Variants in STOM observed in about 807,000 individuals in gnomAD.
STOM encodes erythrocyte band 7 integral membrane protein.
Under a neutral mutation model 30.6 loss-of-function variants are expected in STOM, and 25 were observed. That is an observed-to-expected ratio of 0.82 (90% CI 0.60 to 1.14). STOM has a LOEUF of 1.14. Ranked by LOEUF, STOM falls within the 50% of genes most tolerant of loss-of-function variation. STOM has a pLI of 0.00. For synonymous variants in STOM, 118 were observed against 130.8 expected (o/e 0.90, Z 0.67); for missense variants, 292 against 365.2 (o/e 0.80, Z 1.63).
At chr9:121,348,866 G>C (rs2064312938) in intron 5 of STOM, among the ~76,000 whole-genome samples, 1 of 151,920 alleles carries the variant, frequency 6.6e-6, no homozygotes, top group Non-Finnish European at 1.5e-5. Context: ...TAAACAAAAA[G>C]GTTATTACTG....
chr9:121,362,238 T>C (rs1485147138), intron 1 of STOM, among the ~76,000 whole-genome samples: 1 of 152,214 alleles, frequency 6.6e-6, no homozygotes, highest in Non-Finnish European at 1.5e-5. Context: ...TTAGAAATGA[T>C]AGCTCAACAA....
chr9:121,364,744 T>A (rs1248379149), intron 1 of STOM, among the ~76,000 whole-genome samples: 6 of 152,152 alleles, frequency 3.9e-5, no homozygotes, highest in Non-Finnish European at 7.4e-5. Context: ...AAAAAATAGG[T>A]GAGAGCAACA....
At position 121,370,091 on chromosome 9, in the gene STOM, G is replaced by C. The variant is rs188538384; in HGVS notation, c.61+36C>G. 4.7e-4 allele frequency: 707 copies of C among 1,510,538 alleles called. 3 individuals carry two copies. The African/African-American group carries it at 8.8e-3, about 19-fold the overall frequency. 93.6% of individuals were successfully genotyped at this position (1,510,538 alleles called of 1,614,324 possible). A position where few individuals can be genotyped will look rare whatever the true frequency, so the allele number is the denominator to read the frequency against. ...GAGCGCACGCTGCGGGCGGGGGCTC[G>C]GTCCACGGGGGAGGGTCAGGGGACG... On this transcript the variant is annotated intron_variant, in intron 1 of 6. Coordinates refer to ENST00000286713, the MANE Select transcript of STOM (RefSeq NM_004099.6).
At chr9:121,369,378 T>C (rs2064538745) in intron 1 of STOM, among the ~76,000 whole-genome samples, 1 of 150,826 alleles carries the variant, frequency 6.6e-6, no homozygotes, top group South Asian at 2.1e-4. Flanking sequence ...GTCCACCATC[T>C]CTCTTTATTG....
At chr9:121,352,411 T>A (rs1165090227) in intron 4 of STOM, among the ~76,000 whole-genome samples, 1 of 152,224 alleles carries the variant, frequency 6.6e-6, no homozygotes, top group Non-Finnish European at 1.5e-5. Context: ...ATTACTTCTA[T>A]TATCCAATAC....
Position 121,354,574 on chromosome 9 carries a change from TA to T in STOM, c.238+26del, listed in dbSNP as rs376476009. 8.3e-4 allele frequency: 1,282 copies of T among 1,543,984 alleles called. 15 individuals carry two copies. The African/African-American group carries it at 0.016, about 19-fold the overall frequency. On this transcript the variant is annotated intron_variant, in intron 3 of 6. Transcript: ENST00000286713. Reference sequence around the variant, plus strand: ...AATAAAAAGAACTTTAGTTTTCAGATAAACAATCTAGAATCCCAGTACTGAC... The same window carrying T: ...AATAAAAAGAACTTTAGTTTTCAGATAACAATCTAGAATCCCAGTACTGAC...
chr9:121,345,785 T>C (rs1412300634), intron 6 of STOM, among the ~76,000 whole-genome samples: 1 of 152,282 alleles, frequency 6.6e-6, no homozygotes, highest in South Asian at 2.1e-4. Flanking sequence ...AAGAATGCTA[T>C]GGAAGAGGCT....
Position 121,340,267 on chromosome 9 carries a change from T to G in STOM, c.*935A>C. 1.0e-6 allele frequency: 1 copy of G among 985,400 alleles called. No homozygotes were observed. The highest frequency in any genetic ancestry group is 1.2e-6 in the Non-Finnish European group (1 of 829,912). 61.0% of individuals were successfully genotyped at this position (985,400 alleles called of 1,614,324 possible). The stretch of plus-strand genomic sequence containing the variant: ...ATGGATGTATTTTTAAAATGACCAC[T>G]CTAGTAGTGAATTTAAAAGTCTTTT... On this transcript the variant is annotated 3_prime_UTR_variant, in exon 7 of 7. Coordinates refer to ENST00000286713, the MANE Select transcript of STOM (RefSeq NM_004099.6).
At chr9:121,359,959 A>T (rs2064434353) in intron 1 of STOM, among the ~76,000 whole-genome samples, 1 of 152,362 alleles carries the variant, frequency 6.6e-6, no homozygotes, top group East Asian at 1.9e-4. Context: ...TGTGACAGAC[A>T]CAGGTCTAGG....
In STOM at chr9:121,341,066, A is replaced by G; in HGVS notation, c.*136T>C. The G allele has an allele frequency of 4.1e-6, 6 of 1,476,168 alleles. No homozygotes were observed. Among genetic ancestry groups the G allele is most frequent in the African/African-American group, 1.4e-5 (1 of 71,046 alleles). 91.4% of individuals were successfully genotyped at this position (1,476,168 alleles called of 1,614,324 possible). On this transcript the variant is annotated 3_prime_UTR_variant, in exon 7 of 7. Coordinates refer to ENST00000286713, the MANE Select transcript of STOM (RefSeq NM_004099.6). Reference sequence around the variant, plus strand: ...TTACAAGCTAACAATTCTTTCACCTATTTTTATAACTGCTATACATTCTGG... The same window carrying G: ...TTACAAGCTAACAATTCTTTCACCTGTTTTTATAACTGCTATACATTCTGG...
chr9:121,358,154 A>T (rs1156242447), intron 1 of STOM, among the ~76,000 whole-genome samples: 1 of 148,702 alleles, frequency 6.7e-6, no homozygotes, highest in African/African-American at 2.5e-5. Flanking sequence ...AAAAAAAAAA[A>T]TAATAATAAT....
rs1363442380 is a variant in STOM, at chr9:121,340,728, C to T, written c.*474G>A. On this transcript the variant is annotated 3_prime_UTR_variant, in exon 7 of 7. Transcript: ENST00000286713. ...TCATGCTATTGCACTCCAGCCTGGGCAACAAGAGTGAAACTCCATCTCAGA... is the reference window on the plus strand; with the variant it reads ...TCATGCTATTGCACTCCAGCCTGGGTAACAAGAGTGAAACTCCATCTCAGA... 1 of 985,864 alleles carries T rather than the reference C, an allele frequency of 1.0e-6. No individual in the cohort carries two copies. The highest frequency in any genetic ancestry group is 1.8e-5 in the African/African-American group (1 of 55,356). The allele number at this position is 985,864 out of a possible 1,614,324, so 61.1% of individuals were successfully genotyped here.
In STOM at chr9:121,354,511, C is replaced by A. The variant is rs1013277772; in HGVS notation, c.238+90G>T. On this transcript the variant is annotated intron_variant, in intron 3 of 6. Coordinates refer to ENST00000286713, the MANE Select transcript of STOM (RefSeq NM_004099.6). Reference sequence around the variant, plus strand: ...CTCCAGCCTGGGCGACGGAATGAAACCCTGTCTTTAAAAAAACAACTACCT... The same window carrying A: ...CTCCAGCCTGGGCGACGGAATGAAAACCTGTCTTTAAAAAAACAACTACCT... 1.0e-5 allele frequency: 11 copies of A among 1,055,908 alleles called. 1 individual carries two copies. The Admixed American group carries it at 1.6e-4, about 16-fold the overall frequency. The allele number at this position is 1,055,908 out of a possible 1,614,324, so 65.4% of individuals were successfully genotyped here. A position where few individuals can be genotyped will look rare whatever the true frequency, so the allele number is the denominator to read the frequency against.
In STOM at chr9:121,339,688, A is replaced by AGGTT; in HGVS notation, c.*1510_*1513dup. 2 of 1,231,552 alleles carry AGGTT rather than the reference A, an allele frequency of 1.6e-6. No individual in the cohort carries two copies. Among genetic ancestry groups the AGGTT allele is most frequent in the Non-Finnish European group, 2.0e-6 (2 of 987,836 alleles). 76.3% of individuals were successfully genotyped at this position (1,231,552 alleles called of 1,614,324 possible). ...CTTTCTGGCCAGTAAGCAGAATGCC[A>AGGTT]GGTTGCTCAGATTCACAGACATTTG... On this transcript the variant is annotated 3_prime_UTR_variant, in exon 7 of 7. Coordinates refer to ENST00000286713, the MANE Select transcript of STOM (RefSeq NM_004099.6).
At chr9:121,354,395 C>T (rs937553031) in intron 3 of STOM, among the ~76,000 whole-genome samples, 3 of 152,082 alleles carry the variant, frequency 2.0e-5, no homozygotes, top group Non-Finnish European at 4.4e-5. Flanking sequence ...TGGCTCACGT[C>T]TGTAATCCTA....
chr9:121,342,275 C>T (rs913511734), intron 6 of STOM, among the ~76,000 whole-genome samples: 4 of 151,306 alleles, frequency 2.6e-5, no homozygotes, highest in African/African-American at 9.7e-5. Context: ...GAGGCTGAGA[C>T]AGGAGAATTG....
In STOM at chr9:121,348,148, G is replaced by A. The variant is rs2064306057; in HGVS notation, c.527C>T (p.Ser176Phe). The change falls in exon 6 of 7, where the codon TCT (serine) becomes TTT (phenylalanine). Residue 176 changes from serine (S) to phenylalanine (F), a missense_variant and splice_region_variant. By Grantham distance (155) the Ser-to-Phe change is radical (BLOSUM62 -2). Coordinates refer to ENST00000286713, the MANE Select transcript of STOM (RefSeq NM_004099.6). ...DREEIAHNMQSTLDDATDAWG... is the reference protein window; with the variant it reads ...DREEIAHNMQFTLDDATDAWG... The stretch of plus-strand genomic sequence containing the variant: ...GGCATCAGTGGCATCATCCAGAGTA[G>A]ACTGTTAGGAAGAGAGAAGGCAAGC... 1.2e-6 allele frequency: 2 copies of A among 1,614,018 alleles called. No homozygotes were observed. The highest frequency in any genetic ancestry group is 3.3e-5 in the Admixed American group (2 of 59,996).
At chr9:121,355,002 G>A (rs574869863) in intron 2 of STOM, among the ~76,000 whole-genome samples, 26 of 152,188 alleles carry the variant, frequency 1.7e-4, no homozygotes, top group Middle Eastern at 3.4e-3. Context: ...GCTCACGCCT[G>A]TAATTTCAGC....
chr9:121,361,804 C>G (rs1347576932), intron 1 of STOM, among the ~76,000 whole-genome samples: 2 of 152,108 alleles, frequency 1.3e-5, no homozygotes, highest in Non-Finnish European at 2.9e-5. Context: ...TTTTTGGCAC[C>G]AGGGACCAGT....
Sources: allele counts gnomAD v4.1 joint callset (sites outside exome capture counted in the v4.1 genomes callset), GRCh38; gene constraint gnomAD v4.1.1; transcripts MANE v1.5; gene names NCBI Gene and HGNC (gene_info 2026-07-23, HGNC 2026-07-21).